The following LRRK2 variants were observed in gnomAD, a reference collection of about 807,000 sequenced individuals.
LRRK2 encodes leucine rich repeat kinase 2, also known as leucine-rich repeat serine/threonine-protein kinase 2.
A neutral mutation model predicts 302.6 loss-of-function variants in LRRK2; 203 were observed. The observed-to-expected ratio is 0.67, with a 90% CI of 0.60 to 0.75. The LOEUF (loss-of-function observed/expected upper bound fraction) is 0.75. Among genes scored for constraint, LRRK2 ranks in the 30% least tolerant of loss-of-function variants. The pLI is 0.00. For synonymous variants in LRRK2, 1,066 were observed against 1,031.9 expected (o/e 1.03, Z -0.63); for missense variants, 2,830 against 2,951.0 (o/e 0.96, Z 0.95).
At chr12:40,253,302 C>T (rs1049616180) in intron 11 of LRRK2, among the ~76,000 whole-genome samples, 6 of 152,038 alleles carry the variant, frequency 3.9e-5, no homozygotes, top group African/African-American at 1.4e-4. Context: ...TCATATTATA[C>T]TCTTTTATAA....
intron 40 of LRRK2, 87 bp downstream of exon 40, chr12:40,335,244 A>G (rs2136938832): frequency 7.5e-7 from 1 of 1,340,542 alleles, no homozygotes; most frequent in Non-Finnish European, 1.1e-6. Context: ...TCCCAGTAAC[A>G]CTGTGCCCCA....
At chr12:40,320,225 T>G (rs753631938) in intron 34 of LRRK2, 50 bp downstream of exon 34, 2 of 1,426,850 alleles carry the variant, frequency 1.4e-6, no homozygotes, top group East Asian at 4.6e-5. Flanking sequence ...TCACTATCTA[T>G]TCTTTTAATT....
Position 40,328,479 on chromosome 12 carries a change from T to C in LRRK2, c.5757+19T>C. The C allele has an allele frequency of 2.6e-6, 4 of 1,520,876 alleles. No homozygotes were observed. Among genetic ancestry groups the C allele is most frequent in the Non-Finnish European group, 3.6e-6 (4 of 1,103,808 alleles). 94.2% of individuals were successfully genotyped at this position (1,520,876 alleles called of 1,614,324 possible). On this transcript the variant is annotated intron_variant, in intron 39 of 50. Coordinates refer to ENST00000298910, the MANE Select transcript of LRRK2 (RefSeq NM_198578.4). ...AAGACAAGTAAGAAATTCAATAATA[T>C]AATTATATTAAATTGCACATTATTA...
intron 27 of LRRK2, among the ~76,000 whole-genome samples, chr12:40,305,396 G>A (rs954273876): frequency 1.3e-5 from 2 of 152,084 alleles, no homozygotes; most frequent in Non-Finnish European, 2.9e-5. Flanking sequence ...TTGCATGCAG[G>A]TTTGTAGTGA....
rs1036027345 is a variant in LRRK2, at chr12:40,296,115, G to GT, written c.3096+480dup. On this transcript the variant is annotated intron_variant, in intron 23 of 50. Coordinates refer to ENST00000298910, the MANE Select transcript of LRRK2 (RefSeq NM_198578.4). Reference sequence around the variant, plus strand: ...AGATTCAACTAAATGATTACTGAAAGTTTTTTTTTCAGTTTAAAATAATGT... The same window carrying GT: ...AGATTCAACTAAATGATTACTGAAAGTTTTTTTTTTCAGTTTAAAATAATGT... 9.9e-5 allele frequency among the ~76,000 whole-genome samples: 15 copies of GT among 150,782 alleles called. No homozygotes were observed. In the South Asian group the frequency reaches 1.9e-3, roughly 19 times the overall value.
chr12:40,355,008 A>T (rs373225116), intron 45 of LRRK2, among the ~76,000 whole-genome samples: 1 of 152,218 alleles, frequency 6.6e-6, no homozygotes, highest in South Asian at 2.1e-4. Flanking sequence ...CCAAAGAAAT[A>T]TATCTACATA....
At chr12:40,344,593 G>T (rs1474014839) in intron 41 of LRRK2, among the ~76,000 whole-genome samples, 1 of 152,114 alleles carries the variant, frequency 6.6e-6, no homozygotes, top group East Asian at 1.9e-4. Flanking sequence ...TGATTCTTAT[G>T]CAAATCAAAT....
intron 44 of LRRK2, among the ~76,000 whole-genome samples, chr12:40,353,375 A>G (rs1212686031): frequency 1.4e-5 from 2 of 138,036 alleles, no homozygotes; most frequent in Admixed American, 1.4e-4. Flanking sequence ...CTCTCCTCAC[A>G]TCCCAGACGG....
At position 40,314,228 on chromosome 12, in the gene LRRK2, T is replaced by C. The variant is rs1241135755; in HGVS notation, c.4738+55T>C. On this transcript the variant is annotated intron_variant, in intron 32 of 50. Transcript: ENST00000298910. ...GCTCAGCTGTAGTAACTTATAAAAGTGTTTCTGAATCTTTTATAGAATTTA... is the reference window on the plus strand; with the variant it reads ...GCTCAGCTGTAGTAACTTATAAAAGCGTTTCTGAATCTTTTATAGAATTTA... 7.3e-6 allele frequency: 11 copies of C among 1,502,914 alleles called. No individual in the cohort carries two copies. The Admixed American group carries it at 1.9e-4, about 26-fold the overall frequency. The allele number at this position is 1,502,914 out of a possible 1,614,324, so 93.1% of individuals were successfully genotyped here.
intron 31 of LRRK2, among the ~76,000 whole-genome samples, chr12:40,311,295 C>T (rs1004323756): frequency 5.9e-5 from 9 of 152,042 alleles, no homozygotes; most frequent in Non-Finnish European, 1.2e-4. Flanking sequence ...GTTATCTTCT[C>T]GTAAGCCAAA....
chr12:40,247,288 T>C (rs912149101), intron 7 of LRRK2, among the ~76,000 whole-genome samples: 4 of 151,890 alleles, frequency 2.6e-5, no homozygotes, highest in African/African-American at 7.2e-5. Context: ...CAACTTTAGT[T>C]TGTTATTTCT....
At chr12:40,323,818 A>G (rs762009051) in intron 38 of LRRK2, among the ~76,000 whole-genome samples, 2 of 144,722 alleles carry the variant, frequency 1.4e-5, no homozygotes, top group South Asian at 4.3e-4. Context: ...TTTTTTTGAT[A>G]TGCTGAACAA....
At chr12:40,244,481 A>C (rs537923755) in intron 7 of LRRK2, among the ~76,000 whole-genome samples, 2 of 152,266 alleles carry the variant, frequency 1.3e-5, no homozygotes, top group African/African-American at 4.8e-5. Context: ...CTGAAAAAGA[A>C]CAGTTAACAT....
At chr12:40,277,747 C>T in intron 16 of LRRK2, 141 bp from the exon 17 acceptor site, 1 of 754,402 alleles carries the variant, frequency 1.3e-6, no homozygotes, top group East Asian at 2.7e-5. Flanking sequence ...AGGATAAATA[C>T]TTTAAAGCAC....
Position 40,302,907 on chromosome 12 carries a change from T to G in LRRK2, c.3590+25T>G, listed in dbSNP as rs763307320. The G allele has an allele frequency of 4.3e-6, 6 of 1,396,864 alleles. No homozygotes were observed. The Admixed American group carries it at 8.4e-5, about 20-fold the overall frequency. The allele number at this position is 1,396,864 out of a possible 1,614,324, so 86.5% of individuals were successfully genotyped here. ...AGTAAGTTTATTGTTATTTTAATTT[T>G]AAAAGCACATTAGCTGGAACAGAAC... is the stretch of plus-strand genomic sequence containing the variant. On this transcript the variant is annotated intron_variant, in intron 26 of 50. Coordinates refer to ENST00000298910, the MANE Select transcript of LRRK2 (RefSeq NM_198578.4).
At chr12:40,260,622 T>G (rs1036626977) in intron 13 of LRRK2, among the ~76,000 whole-genome samples, 1 of 152,056 alleles carries the variant, frequency 6.6e-6, no homozygotes, top group African/African-American at 2.4e-5. Flanking sequence ...TTTATTAAAA[T>G]TGTTTGCAGA....
intron 7 of LRRK2, 148 bp from the exon 8 acceptor site, chr12:40,249,678 A>T (rs968465198): frequency 5.8e-6 from 5 of 861,724 alleles, no homozygotes; most frequent in Non-Finnish European, 1.8e-6. Flanking sequence ...TTACTCAATC[A>T]TATTAAGCTA....
At chr12:40,239,805 G>A (rs1176103930) in intron 5 of LRRK2, among the ~76,000 whole-genome samples, 1 of 151,888 alleles carries the variant, frequency 6.6e-6, no homozygotes, top group Admixed American at 6.6e-5. Flanking sequence ...TAAAAAAAAT[G>A]AATGTTGATC....
rs202205832 is a variant in LRRK2 at position 40,367,913 on chromosome 12, T to C, written c.*148T>C. The C allele has an allele frequency of 1.8e-3, 1,053 of 585,576 alleles. 11 individuals are homozygous for C. The highest frequency in any genetic ancestry group is 0.015 in the South Asian group (466 of 30,632). The allele number at this position is 585,576 out of a possible 1,614,324, so 36.3% of individuals were successfully genotyped here. A position where few individuals can be genotyped will look rare whatever the true frequency, so the allele number is the denominator to read the frequency against. ...AATGTTATTATTTTTAATTTAAATA[T>C]ATGTAAAAATACTTACCAGTAAATG... On this transcript the variant is annotated 3_prime_UTR_variant, in exon 51 of 51. Coordinates refer to ENST00000298910, the MANE Select transcript of LRRK2 (RefSeq NM_198578.4).
Sources: gnomAD v4.1 joint callset for allele counts (sites outside exome capture counted in the v4.1 genomes callset) on GRCh38, gnomAD v4.1.1 for gene constraint, MANE v1.5 for transcripts, NCBI Gene and HGNC (gene_info 2026-07-23, HGNC 2026-07-21) for gene names.